The following SLC5A8 variants were observed in gnomAD, a reference collection of about 807,000 sequenced individuals.
The protein encoded by SLC5A8 is sodium-coupled monocarboxylate transporter 1.
SLC5A8 carries 55 observed loss-of-function variants against 71.9 expected under a neutral mutation model. That is an observed-to-expected ratio of 0.77 (90% CI 0.62 to 0.96). The LOEUF (loss-of-function observed/expected upper bound fraction) is 0.96, where lower values mean the gene tolerates loss of function less well. SLC5A8 is among the 40% of genes least tolerant of loss of function. The pLI, the probability that SLC5A8 is intolerant of heterozygous loss-of-function variation, is 0.00. For missense variants in SLC5A8, 701 were observed against 745.3 expected (o/e 0.94, Z 0.69); for synonymous variants, 307 against 276.1 (o/e 1.11, Z -1.11).
At chr12:101,158,400 T>A in intron 13 of SLC5A8, 72 bp from the exon 14 acceptor site, 1 of 943,882 alleles carries the variant, frequency 1.1e-6, no homozygotes. Flanking sequence ...CATTCCATTA[T>A]ACAGGCATTT....
At chr12:101,158,363 A>G (rs762553898) in intron 13 of SLC5A8, 35 bp from the exon 14 acceptor site, 1 of 1,374,654 alleles carries the variant, frequency 7.3e-7, no homozygotes, top group Non-Finnish European at 1.0e-6. Context: ...TACGTTGTTA[A>G]AAAGGACACC....
chr12:101,209,471 A>G (rs754651179), intron 1 of SLC5A8, 27 bp downstream of exon 1: 4 of 1,528,530 alleles, frequency 2.6e-6, no homozygotes, highest in Non-Finnish European at 3.5e-6. Flanking sequence ...CGCGCCCTGC[A>G]TGGTCCCAGC....
intron 1 of SLC5A8, among the ~76,000 whole-genome samples, chr12:101,206,544 G>C (rs1482609124): frequency 1.3e-5 from 2 of 152,298 alleles, no homozygotes; most frequent in Admixed American, 6.5e-5. Context: ...AGTCTATTAT[G>C]ATCTCAGCCA....
At chr12:101,182,653 T>C (rs1379670665) in intron 9 of SLC5A8, 150 bp downstream of exon 9, 1 of 547,192 alleles carries the variant, frequency 1.8e-6, no homozygotes, top group African/African-American at 2.0e-5. Flanking sequence ...CAAACATTTT[T>C]TAAAAATCTG....
At chr12:101,201,939 A>G (rs1869470142) in intron 3 of SLC5A8, among the ~76,000 whole-genome samples, 1 of 152,156 alleles carries the variant, frequency 6.6e-6, no homozygotes, top group South Asian at 2.1e-4. Context: ...GAGAAGTACC[A>G]CCTGGAGAAG....
intron 3 of SLC5A8, among the ~76,000 whole-genome samples, chr12:101,197,354 G>A (rs775552142): frequency 4.1e-4 from 63 of 152,256 alleles, no homozygotes; most frequent in Non-Finnish European, 7.5e-4. Flanking sequence ...ATCAATAGCT[G>A]CTGATAATTT....
intron 1 of SLC5A8, among the ~76,000 whole-genome samples, chr12:101,205,778 C>T (rs922023282): frequency 3.3e-5 from 5 of 152,264 alleles, no homozygotes; most frequent in East Asian, 3.9e-4. Flanking sequence ...CTTGCCAGGG[C>T]CACAGTACAC....
chr12:101,201,763 T>G (rs1306046456), intron 3 of SLC5A8, among the ~76,000 whole-genome samples: 1 of 152,138 alleles, frequency 6.6e-6, no homozygotes, highest in East Asian at 1.9e-4. Flanking sequence ...GAAGAAAAGC[T>G]TTTCTCCCTG....
chr12:101,187,490 G>T lies in SLC5A8; in HGVS notation c.859C>A (p.Leu287Ile), dbSNP rs762018188. The change falls in exon 7 of 15, where the codon CTC becomes ATC. Residue 287 changes from leucine to isoleucine, a missense_variant. Coordinates refer to ENST00000536262, the MANE Select transcript of SLC5A8 (RefSeq NM_145913.5). ...ACTGAGCATGTGAGGATTGCCCAGAGTCCCACAAGATTGATGTAGAGAGAC... is the reference window on the plus strand; with the variant it reads ...ACTGAGCATGTGAGGATTGCCCAGATTCCCACAAGATTGATGTAGAGAGAC... The part of the protein sequence containing the change: ...KLSLYINLVG[L>I]WAILTCSVFC... 1 of 1,613,664 alleles carries T rather than the reference G, an allele frequency of 6.2e-7. No homozygotes were observed. The highest frequency in any genetic ancestry group is 1.7e-5 in the Admixed American group (1 of 59,982).
intron 6 of SLC5A8, 139 bp from the exon 7 acceptor site, chr12:101,187,654 A>G: frequency 3.2e-6 from 3 of 924,856 alleles, no homozygotes; most frequent in Non-Finnish European, 4.6e-6. Flanking sequence ...CGAAAACTCT[A>G]CTTATTTTAT....
chr12:101,181,221 T>G (rs1015163768), intron 9 of SLC5A8, among the ~76,000 whole-genome samples: 1 of 152,236 alleles, frequency 6.6e-6, no homozygotes, highest in Non-Finnish European at 1.5e-5. Context: ...ATTGATTTTT[T>G]TGAAGAGTTC....
Position 101,168,103 on chromosome 12 carries a change from T to C in SLC5A8, c.1313A>G (p.Asn438Ser). 1.2e-6 allele frequency: 2 copies of C among 1,607,586 alleles called. No individual in the cohort carries two copies. The highest frequency in any genetic ancestry group is 1.7e-6 in the Non-Finnish European group (2 of 1,176,674). Residue 438 changes from asparagine (N) to serine (S), a missense_variant, in exon 11 of 15, where the codon AAC becomes AGC. Asn to Ser is a conservative substitution (Grantham distance 46). Coordinates refer to ENST00000536262, the MANE Select transcript of SLC5A8 (RefSeq NM_145913.5). ...FALGILVPFA[N>S]SIGALVGLMA... Reference sequence around the variant, plus strand: ...TTCATTCTTTGTACTTACAATTGAGTTGGCAAAGGGAACCAAAATGCCCAA... The same window carrying C: ...TTCATTCTTTGTACTTACAATTGAGCTGGCAAAGGGAACCAAAATGCCCAA...
chr12:101,167,026 G>C (rs919162672), intron 11 of SLC5A8, among the ~76,000 whole-genome samples: 2 of 152,026 alleles, frequency 1.3e-5, no homozygotes, highest in Non-Finnish European at 2.9e-5. Context: ...AGGAAGAATA[G>C]TATGTTATTC....
rs1566303036 is a variant in SLC5A8, at chr12:101,158,273, TA to T, written c.1685del (p.Leu562TyrfsTer14). ...CTTTCTTAAAAATATCAAAATTGGA[TA>T]AAAAGTCCTCTTTGGTTAGTATGTA... is the stretch of plus-strand genomic sequence containing the variant. ...PRYILTKEDF[L>X]SNFDIFKKKK... On this transcript the variant is annotated frameshift_variant, in exon 14 of 15. Coordinates refer to ENST00000536262, the MANE Select transcript of SLC5A8 (RefSeq NM_145913.5). LOFTEE classifies it high-confidence loss of function. The T allele has an allele frequency of 6.3e-7, 1 of 1,590,998 alleles. No individual in the cohort carries two copies. Among genetic ancestry groups the T allele is most frequent in the Admixed American group, 1.7e-5 (1 of 58,014 alleles).
intron 5 of SLC5A8, among the ~76,000 whole-genome samples, chr12:101,191,475 T>C (rs1868907332): frequency 6.6e-6 from 1 of 152,202 alleles, no homozygotes; most frequent in Admixed American, 6.5e-5. Context: ...CTTATGGAAA[T>C]GTGAGAGCCT....
chr12:101,177,444 TACACACACAC>T (rs60836789), intron 10 of SLC5A8, among the ~76,000 whole-genome samples: 3 of 94,424 alleles, frequency 3.2e-5, no homozygotes, highest in Non-Finnish European at 6.5e-5. Context: ...AGGCAGTATA[TACACACACAC>T]ACACACACAC....
chr12:101,185,770 A>T (rs1868608467), intron 7 of SLC5A8, among the ~76,000 whole-genome samples: 1 of 151,890 alleles, frequency 6.6e-6, no homozygotes, highest in African/African-American at 2.4e-5. Flanking sequence ...ATAGAGACGG[A>T]TTTTACCATG....
Position 101,190,599 on chromosome 12 carries a change from A to C in SLC5A8, c.702T>G (p.Pro234=). The stretch of plus-strand genomic sequence containing the variant: ...AGAAGGTGTGTCTTTGCAAAGGGTT[A>C]GGATTAAAACTAAATGACAAGAAAC... ...GGRLNFWNFN[P]NPLQRHTFWT... Residue 234 remains proline (P), a synonymous_variant, in exon 6 of 15, where the codon CCT becomes CCG. Transcript: ENST00000536262. The C allele has an allele frequency of 6.2e-7, 1 of 1,605,926 alleles. No homozygotes were observed. Among genetic ancestry groups the C allele is most frequent in the Non-Finnish European group, 8.5e-7 (1 of 1,177,648 alleles).
chr12:101,158,376 T>C (rs2051687752), intron 13 of SLC5A8, 48 bp from the exon 14 acceptor site: 2 of 1,193,782 alleles, frequency 1.7e-6, no homozygotes, highest in African/African-American at 3.1e-5. Context: ...AGGACACCAG[T>C]AACTACACAG....
Sources: allele counts gnomAD v4.1 joint callset (sites outside exome capture counted in the v4.1 genomes callset), GRCh38; gene constraint gnomAD v4.1.1; transcripts MANE v1.5; gene names NCBI Gene and HGNC (gene_info 2026-07-23, HGNC 2026-07-21).